CNOT1: variants seen among roughly 807,000 people sequenced by gnomAD.
CNOT1 encodes the protein CCR4-associated factor 1.
A neutral mutation model predicts 273.8 loss-of-function variants in CNOT1; 15 were observed. That is an observed-to-expected ratio of 0.05 (90% CI 0.04 to 0.08). The LOEUF is 0.08. Ranked by LOEUF, CNOT1 falls within the 10% of genes least tolerant of loss-of-function variation. The pLI is 1.00. For missense variants in CNOT1, 1,644 were observed against 2,912.2 expected, an observed-to-expected ratio of 0.56 and a Z score of 10.02; for synonymous variants, 1,022 against 1,005.5, an observed-to-expected ratio of 1.02 and a Z score of -0.31.
chr16:58,610,899 T>C (rs534351698), intron 1 of CNOT1, among the ~76,000 whole-genome samples: 204 of 151,954 alleles, frequency 1.3e-3, no homozygotes, highest in African/African-American at 4.6e-3. Context: ...CAGCCGGGCG[T>C]GGTGGCAGGC....
chr16:58,548,635 G>T (rs1287626638), intron 25 of CNOT1: 3 of 518,384 alleles, frequency 5.8e-6, no homozygotes, highest in South Asian at 4.2e-5. Flanking sequence ...TATAGTGCTG[G>T]TTCCTAAGCC....
Position 58,545,253 on chromosome 16 carries a change from C to T in CNOT1, c.4137+108G>A. 4.0e-6 allele frequency: 6 copies of T among 1,517,032 alleles called. No homozygotes were observed. The South Asian group carries it at 7.9e-5, about 20-fold the overall frequency. The allele number at this position is 1,517,032 out of a possible 1,614,324, so 94.0% of individuals were successfully genotyped here. A position where few individuals can be genotyped will look rare whatever the true frequency, so the allele number is the denominator to read the frequency against. On this transcript the variant is annotated intron_variant, in intron 30 of 48. Coordinates refer to ENST00000317147, the MANE Select transcript of CNOT1 (RefSeq NM_016284.5). ...TCTCCATCCTCTCTGACAAACTCTA[C>T]AACCTAGGAATCCAGAGGGAAGGGC...
rs185387257 is a variant in CNOT1, at chr16:58,567,413, A to C, written c.1980-7051T>G. On this transcript the variant is annotated intron_variant, in intron 16 of 48. Coordinates refer to ENST00000317147, the MANE Select transcript of CNOT1 (RefSeq NM_016284.5). ...CAAGGCAGGAGGAGTGCCTCAGCTC[A>C]GGGGTTTGAGACCATCCTGGGCAAC... Among the ~76,000 whole-genome samples, 175 of 152,148 alleles carry C rather than the reference A, an allele frequency of 1.2e-3. 1 individual carries two copies. The highest frequency in any genetic ancestry group is 0.01 in the Middle Eastern group (3 of 294).
At chr16:58,529,104 TTAA>T (rs2039691113) in intron 43 of CNOT1, among the ~76,000 whole-genome samples, 1 of 152,146 alleles carries the variant, frequency 6.6e-6, no homozygotes, top group Non-Finnish European at 1.5e-5. Flanking sequence ...ACAAAAATTA[TTAA>T]TGTCAGGAAT....
At chr16:58,586,108 C>A (rs540240858) in intron 7 of CNOT1, among the ~76,000 whole-genome samples, 2 of 148,200 alleles carry the variant, frequency 1.3e-5, no homozygotes, top group Admixed American at 1.4e-4. Context: ...CAAAAGTGAC[C>A]GATTTTTTAA....
chr16:58,589,719 T>C (rs566054208), intron 2 of CNOT1, among the ~76,000 whole-genome samples: 179 of 152,308 alleles, frequency 1.2e-3, no homozygotes, highest in African/African-American at 4.1e-3. Context: ...ACAGCTGTAA[T>C]GCTACGTGGC....
At chr16:58,576,356 C>G in intron 14 of CNOT1, 107 bp downstream of exon 14, 1 of 1,501,568 alleles carries the variant, frequency 6.7e-7, no homozygotes, top group Middle Eastern at 2.1e-4. Context: ...GTGGATCCGC[C>G]CACCTCAGCC....
At position 58,627,502 on chromosome 16, in the gene CNOT1, T is replaced by G. The variant is rs1207665621; in HGVS notation, c.-175+2226A>C. Among the ~76,000 whole-genome samples the G allele has an allele frequency of 2.0e-5, 3 of 151,096 alleles. No individual in the cohort carries two copies. The Admixed American group carries it at 2.0e-4, about 10-fold the overall frequency. On this transcript the variant is annotated intron_variant, in intron 1 of 48. Transcript: ENST00000317147. ...CATGCAAGGTAATTTGAAATCAGAC[T>G]TTAAAGCATGTTTTGAAAAGATGGC...
At chr16:58,541,644 G>A (rs544824572) in intron 33 of CNOT1, 24 bp from the exon 34 acceptor site, 1 of 1,607,828 alleles carries the variant, frequency 6.2e-7, no homozygotes, top group South Asian at 1.1e-5. Context: ...AACCTATTTT[G>A]ACAGAATTCA....
intron 1 of CNOT1, among the ~76,000 whole-genome samples, chr16:58,604,828 T>C (rs1434660132): frequency 8.6e-6 from 1 of 116,914 alleles, no homozygotes; most frequent in Admixed American, 9.7e-5. Context: ...AAAAAAAAAT[T>C]AAAAAAAAAA....
intron 2 of CNOT1, among the ~76,000 whole-genome samples, chr16:58,592,911 G>A (rs938004605): frequency 6.6e-6 from 1 of 152,086 alleles, no homozygotes. Context: ...GGAGTGTGCC[G>A]GAAAAGCAGA....
intron 1 of CNOT1, among the ~76,000 whole-genome samples, chr16:58,606,280 T>G (rs371591340): frequency 1.3e-5 from 2 of 151,688 alleles, no homozygotes; most frequent in South Asian, 4.2e-4. Flanking sequence ...AATGGCTGGG[T>G]GAGGTGGCAC....
At chr16:58,530,144 G>T in intron 43 of CNOT1, 102 bp downstream of exon 43, 1 of 809,304 alleles carries the variant, frequency 1.2e-6, no homozygotes, top group Non-Finnish European at 1.9e-6. Flanking sequence ...TGTATATCAT[G>T]CCTCAAAGGC....
rs973927117 is a variant in CNOT1, at chr16:58,525,504, A to T, written c.6604-145T>A. Reference sequence around the variant, plus strand: ...CTTGCTTGAATTTGTGAGGTTATTTAACAAACACACAGATGCTCCAAAGGT... The same window carrying T: ...CTTGCTTGAATTTGTGAGGTTATTTTACAAACACACAGATGCTCCAAAGGT... On this transcript the variant is annotated intron_variant, in intron 45 of 48. Coordinates refer to ENST00000317147, the MANE Select transcript of CNOT1 (RefSeq NM_016284.5). 43 of 683,924 alleles carry T rather than the reference A, an allele frequency of 6.3e-5. No individual in the cohort carries two copies. The South Asian group carries it at 8.3e-4, about 13-fold the overall frequency. 42.4% of individuals were successfully genotyped at this position (683,924 alleles called of 1,614,324 possible). A position where few individuals can be genotyped will look rare whatever the true frequency, so the allele number is the denominator to read the frequency against.
At chr16:58,625,149 G>A (rs2043509074) in intron 1 of CNOT1, among the ~76,000 whole-genome samples, 1 of 152,116 alleles carries the variant, frequency 6.6e-6, no homozygotes, top group African/African-American at 2.4e-5. Flanking sequence ...ACTTTGGGAA[G>A]CTGAGGCAGG....
intron 3 of CNOT1, among the ~76,000 whole-genome samples, chr16:58,588,491 A>G (rs1476792411): frequency 6.6e-6 from 1 of 152,130 alleles, no homozygotes; most frequent in African/African-American, 2.4e-5. Flanking sequence ...ATAAAGCTAG[A>G]GATTCAATCC....
At chr16:58,628,427 T>A (rs1200565869) in intron 1 of CNOT1, among the ~76,000 whole-genome samples, 1 of 152,092 alleles carries the variant, frequency 6.6e-6, no homozygotes, top group African/African-American at 2.4e-5. Context: ...TAAACCCAAG[T>A]ACCTATAGAA....
intron 41 of CNOT1, 77 bp downstream of exon 41, chr16:58,532,155 C>A: frequency 1.2e-6 from 2 of 1,605,588 alleles, no homozygotes; most frequent in Non-Finnish European, 1.7e-6. Flanking sequence ...GCTCAAAATG[C>A]TCAAGAGTTC....
chr16:58,527,814 CTG>C (rs2039646639), intron 44 of CNOT1: 3 of 192,120 alleles, frequency 1.6e-5, no homozygotes, highest in South Asian at 9.0e-5. Context: ...AGACACAAAA[CTG>C]TGAAATATGG....
Sources: allele counts gnomAD v4.1 joint callset (sites outside exome capture counted in the v4.1 genomes callset), GRCh38; gene constraint gnomAD v4.1.1; transcripts MANE v1.5; gene names NCBI Gene and HGNC (gene_info 2026-07-23, HGNC 2026-07-21).